The following FTCDNL1 variants were observed in gnomAD, a reference collection of about 807,000 sequenced individuals.
FTCDNL1 encodes formiminotransferase N-terminal subdomain-containing protein.
In FTCDNL1, 11 loss-of-function variants were observed where a neutral mutation model predicts 5.9. That is an observed-to-expected ratio of 1.87 (90% CI 1.18 to 3.10). FTCDNL1 has a LOEUF of 3.10. FTCDNL1 is among the 30% of genes most tolerant of loss of function. The pLI is 0.00. For synonymous variants in FTCDNL1, 58 were observed against 24.8 expected (o/e 2.34, Z -3.99); for missense variants, 115 against 65.5 (o/e 1.76, Z -2.61).
rs539683231 is a variant in FTCDNL1, at chr2:199,800,138, G to C, written c.212-39303C>G. 2.5e-4 allele frequency among the ~76,000 whole-genome samples: 38 copies of C among 152,252 alleles called. No homozygotes were observed. The South Asian group carries it at 7.1e-3, about 28-fold the overall frequency. On this transcript the variant is annotated intron_variant, in intron 3 of 3. Transcript: ENST00000416668. Reference sequence around the variant, plus strand: ...ATAACGGAGCATGTAACCTACCCTGGTGATCTTAGGAGACTTTTCTGAGGA... The same window carrying C: ...ATAACGGAGCATGTAACCTACCCTGCTGATCTTAGGAGACTTTTCTGAGGA...
At chr2:199,699,321 T>C in the FTCDNL1 span, among the ~76,000 whole-genome samples, 1 of 151,996 alleles carries the variant, frequency 6.6e-6, no homozygotes, top group Non-Finnish European at 1.5e-5. Flanking sequence ...ACTAAAATTA[T>C]CCAGGTGTAG....
chr2:199,730,251 G>C, the FTCDNL1 span, among the ~76,000 whole-genome samples: 1 of 151,986 alleles, frequency 6.6e-6, no homozygotes, highest in African/African-American at 2.4e-5. Flanking sequence ...AAAAACCCTA[G>C]AAGAAAACCT....
At chr2:199,746,998 C>A in the FTCDNL1 span, among the ~76,000 whole-genome samples, 1 of 149,950 alleles carries the variant, frequency 6.7e-6, no homozygotes, top group African/African-American at 2.4e-5. Flanking sequence ...TGAACAATAT[C>A]CTGTTTCAGA....
At chr2:199,687,599 A>G in the FTCDNL1 span, among the ~76,000 whole-genome samples, 234 of 152,284 alleles carry the variant, frequency 1.5e-3, no homozygotes, top group African/African-American at 5.3e-3. Flanking sequence ...TAGAAGTTGT[A>G]AGTGCAAACC....
At chr2:199,850,151 T>C (rs1029860526) in intron 1 of FTCDNL1, among the ~76,000 whole-genome samples, 1 of 152,234 alleles carries the variant, frequency 6.6e-6, no homozygotes, top group African/African-American at 2.4e-5. Flanking sequence ...AGGCAGGTTT[T>C]CATATCATGT....
chr2:199,745,906 C>T, the FTCDNL1 span, among the ~76,000 whole-genome samples: 1 of 152,154 alleles, frequency 6.6e-6, no homozygotes, highest in Admixed American at 6.5e-5. Context: ...AATCAAATTG[C>T]TATCCTGGGT....
chr2:199,808,211 A>G (rs1700834569), downstream of FTCDNL1, among the ~76,000 whole-genome samples: 1 of 152,198 alleles, frequency 6.6e-6, no homozygotes, highest in Non-Finnish European at 1.5e-5. Context: ...CTGCAGAACC[A>G]TGAGCCAATT....
the FTCDNL1 span, among the ~76,000 whole-genome samples, chr2:199,689,620 G>C: frequency 6.6e-6 from 1 of 151,846 alleles, no homozygotes; most frequent in Non-Finnish European, 1.5e-5. Flanking sequence ...GGGGTAATTT[G>C]GCAATATGTT....
At chr2:199,749,356 A>C in the FTCDNL1 span, among the ~76,000 whole-genome samples, 1 of 152,146 alleles carries the variant, frequency 6.6e-6, no homozygotes, top group Non-Finnish European at 1.5e-5. Context: ...AACTGACTAA[A>C]TTGACTGTTT....
intron 3 of FTCDNL1, among the ~76,000 whole-genome samples, chr2:199,776,605 C>G (rs56132526): frequency 6.6e-6 from 1 of 152,144 alleles, no homozygotes; most frequent in African/African-American, 2.4e-5. Context: ...CACACAACCC[C>G]TAAGTCAACT....
chr2:199,675,978 C>T, the FTCDNL1 span, among the ~76,000 whole-genome samples: 1 of 152,154 alleles, frequency 6.6e-6, no homozygotes, highest in African/African-American at 2.4e-5. Context: ...TGTCCAGTTA[C>T]TGAGCTCAAG....
the FTCDNL1 span, among the ~76,000 whole-genome samples, chr2:199,720,705 T>A: frequency 2.0e-5 from 3 of 152,136 alleles, no homozygotes; most frequent in African/African-American, 4.8e-5. Flanking sequence ...TCCAGGATGA[T>A]CTCATCTCAA....
rs530684939 is a variant in FTCDNL1, at chr2:199,828,803, C to T, written c.212-9046G>A. On this transcript the variant is annotated intron_variant, in intron 3 of 4. Coordinates refer to ENST00000420128, the MANE Select transcript of FTCDNL1 (RefSeq NM_001363886.2). ...ATGAACTGACTTTGCTTCCTAAGCA[C>T]TTTGTTGATGTTGGTGCTGCAAACC... Among the ~76,000 whole-genome samples, 9 of 152,308 alleles carry T rather than the reference C, an allele frequency of 5.9e-5. No homozygotes were observed. In the East Asian group the frequency reaches 1.7e-3, roughly 29 times the overall value.
At chr2:199,835,177 T>C (rs911492894) in intron 3 of FTCDNL1, among the ~76,000 whole-genome samples, 12 of 152,094 alleles carry the variant, frequency 7.9e-5, no homozygotes, top group Non-Finnish European at 1.5e-5. Flanking sequence ...TTCCTGTCTC[T>C]AAAATAAATA....
intron 1 of FTCDNL1, among the ~76,000 whole-genome samples, chr2:199,849,930 A>T (rs1354042710): frequency 1.3e-5 from 2 of 151,842 alleles, no homozygotes; most frequent in Non-Finnish European, 2.9e-5. Flanking sequence ...TGTGAGGGAT[A>T]CCAACCACTG....
At chr2:199,849,028 A>C (rs4672569) in intron 1 of FTCDNL1, 59 bp from the exon 2 acceptor site, 40,794 of 665,616 alleles carry the variant, frequency 0.061, 1,994 homozygotes, top group East Asian at 0.18. Flanking sequence ...TTCATGTTTT[A>C]ACTATAAAAA....
At chr2:199,752,842 G>C in the FTCDNL1 span, among the ~76,000 whole-genome samples, 1 of 151,670 alleles carries the variant, frequency 6.6e-6, no homozygotes, top group Non-Finnish European at 1.5e-5. Context: ...GAGAGAGAGA[G>C]AGAGACAGAC....
chr2:199,771,463 A>C (rs1698805707), intron 3 of FTCDNL1, among the ~76,000 whole-genome samples: 1 of 152,096 alleles, frequency 6.6e-6, no homozygotes, highest in Non-Finnish European at 1.5e-5. Flanking sequence ...CTTGAACCAT[A>C]AAAAATAGTT....
At chr2:199,743,949 C>T in the FTCDNL1 span, among the ~76,000 whole-genome samples, 1 of 152,198 alleles carries the variant, frequency 6.6e-6, no homozygotes, top group African/African-American at 2.4e-5. Context: ...GGCTGGCTCT[C>T]TTCCTACTGA....
Sources: gnomAD v4.1 joint callset for allele counts (sites outside exome capture counted in the v4.1 genomes callset) on GRCh38, gnomAD v4.1.1 for gene constraint, MANE v1.5 for transcripts, NCBI Gene and HGNC (gene_info 2026-07-23, HGNC 2026-07-21) for gene names.